Variants in MBP observed in about 807,000 individuals in gnomAD.
MBP encodes Golli-MBP.
Under a neutral mutation model 35.8 loss-of-function variants are expected in MBP, and 16 were observed. The ratio of observed to expected loss-of-function variants is 0.45; its 90% confidence interval spans 0.30 to 0.68. The LOEUF (loss-of-function observed/expected upper bound fraction) is 0.68. Among genes scored for constraint, MBP ranks in the 30% least tolerant of loss-of-function variants. MBP has a pLI of 0.08. For synonymous variants in MBP, 143 were observed against 159.6 expected, an observed-to-expected ratio of 0.90 and a Z score of 0.78; for missense variants, 380 against 404.7, an observed-to-expected ratio of 0.94 and a Z score of 0.52.
intron 3 of MBP, among the ~76,000 whole-genome samples, chr18:77,031,893 T>A (rs1972556047): frequency 1.3e-5 from 2 of 152,208 alleles, no homozygotes; most frequent in African/African-American, 4.8e-5. Context: ...GAGCCAGGGC[T>A]TTTGTCGAGC....
intron 3 of MBP, among the ~76,000 whole-genome samples, chr18:77,058,130 T>C (rs897565517): frequency 2.6e-5 from 4 of 152,080 alleles, no homozygotes; most frequent in Admixed American, 2.6e-4. Context: ...GGAGTGTTTT[T>C]TAAGTTCGGC....
chr18:77,066,381 C>T lies in MBP; in HGVS notation c.56G>A (p.Ser19Asn). The change falls in exon 3 of 9, where the codon AGT (serine) becomes AAT (asparagine). Residue 19 changes from serine to asparagine, a missense_variant. Transcript: ENST00000355994. Reference sequence around the variant, plus strand: ...TTCAGATTCTCCTCTGTTAGTTTCACTATTCTGGAAAAAGAAAACACAACA... The same window carrying T: ...TTCAGATTCTCCTCTGTTAGTTTCATTATTCTGGAAAAAGAAAACACAACA... ...ELNAEKASTN[S>N]ETNRGESEKK... The T allele has an allele frequency of 6.2e-7, 1 of 1,605,438 alleles. No individual in the cohort carries two copies.
intron 2 of MBP, among the ~76,000 whole-genome samples, chr18:77,091,661 C>T (rs144076865): frequency 1.3e-5 from 2 of 151,700 alleles, no homozygotes; most frequent in Non-Finnish European, 2.9e-5. Context: ...CACACATGCA[C>T]ACATGCGTGA....
chr18:77,031,336 C>A (rs1473281440), intron 3 of MBP, among the ~76,000 whole-genome samples: 6 of 152,204 alleles, frequency 3.9e-5, no homozygotes, highest in African/African-American at 1.4e-4. Context: ...CGCCCTGCTG[C>A]CCACCCTCTC....
Position 77,057,999 on chromosome 18 carries a change from T to G in MBP, c.139+8299A>C, listed in dbSNP as rs1230591177. ...CCGCCACTACGCCCGGCTAATTTTTTGTATTTTTTTTTTTAATAGAGACGG... is the reference window on the plus strand; with the variant it reads ...CCGCCACTACGCCCGGCTAATTTTTGGTATTTTTTTTTTTAATAGAGACGG... On this transcript the variant is annotated intron_variant, in intron 3 of 8. Transcript: ENST00000355994. Among the ~76,000 whole-genome samples the G allele has an allele frequency of 4.9e-5, 3 of 61,592 alleles. 1 individual carries two copies. The highest frequency in any genetic ancestry group is 3.1e-4 in the Admixed American group (2 of 6,506). 40.4% of individuals were successfully genotyped at this position (61,592 alleles called of 152,430 possible).
chr18:77,012,898 C>A (rs1971430334), intron 4 of MBP: 5 of 985,314 alleles, frequency 5.1e-6, no homozygotes, highest in Non-Finnish European at 2.4e-6. Context: ...CAGGCAATTA[C>A]CATCAAATAC....
At chr18:76,999,895 C>G (rs769330940) in intron 4 of MBP, among the ~76,000 whole-genome samples, 11 of 152,158 alleles carry the variant, frequency 7.2e-5, no homozygotes, top group Non-Finnish European at 1.5e-4. Flanking sequence ...CATCCCCAAC[C>G]TGTTTCAAGT....
chr18:77,067,085 C>T (rs1974229869), intron 2 of MBP, among the ~76,000 whole-genome samples: 1 of 152,218 alleles, frequency 6.6e-6, no homozygotes, highest in African/African-American at 2.4e-5. Context: ...GTTCAGCTTC[C>T]TGATATATTT....
At chr18:77,018,280 C>G in intron 3 of MBP, among the ~76,000 whole-genome samples, 1 of 149,158 alleles carries the variant, frequency 6.7e-6, no homozygotes, top group Non-Finnish European at 1.5e-5. Flanking sequence ...ATCCACTCAT[C>G]CATCCATCCA....
chr18:77,069,641 C>A (rs572273390), intron 2 of MBP, among the ~76,000 whole-genome samples: 3 of 152,306 alleles, frequency 2.0e-5, no homozygotes, highest in African/African-American at 7.2e-5. Flanking sequence ...TAAATCACAG[C>A]ACTTTGCTTT....
chr18:77,013,166 A>T, intron 4 of MBP: 1 of 985,462 alleles, frequency 1.0e-6, no homozygotes, highest in Non-Finnish European at 1.2e-6. Context: ...GTGCAGAAAC[A>T]AATGCACCCT....
At chr18:76,990,089 G>T (rs1969809566) in intron 4 of MBP, 29 bp from the exon 5 acceptor site, 2 of 1,501,234 alleles carry the variant, frequency 1.3e-6, no homozygotes, top group Admixed American at 1.7e-5. Flanking sequence ...GTGACCTCAG[G>T]ACAAGTCCAC....
At chr18:77,027,615 C>G (rs1007125017) in intron 3 of MBP, among the ~76,000 whole-genome samples, 1 of 152,258 alleles carries the variant, frequency 6.6e-6, no homozygotes, top group Non-Finnish European at 1.5e-5. Flanking sequence ...AAAACTTCCC[C>G]ACAGAGGGGC....
Position 76,979,867 on chromosome 18 carries a change from A to T in MBP, c.*560T>A, listed in dbSNP as rs1184534587. 2.9e-6 allele frequency: 2 copies of T among 679,854 alleles called. No homozygotes were observed. Among genetic ancestry groups the T allele is most frequent in the Non-Finnish European group, 5.3e-6 (2 of 375,110 alleles). 42.1% of individuals were successfully genotyped at this position (679,854 alleles called of 1,614,324 possible). On this transcript the variant is annotated 3_prime_UTR_variant, in exon 9 of 9. Transcript: ENST00000355994. ...AACAGCTGCCCAGCCCGCATGTCAC[A>T]TACCAAAAGCTCCCACATGTAGTAA...
chr18:77,097,828 T>G (rs534248678), intron 2 of MBP, among the ~76,000 whole-genome samples: 1 of 152,180 alleles, frequency 6.6e-6, no homozygotes, highest in Non-Finnish European at 1.5e-5. Context: ...GTGGAGCCGG[T>G]ATTAGGGGGA....
chr18:77,075,706 A>G (rs1974623175), intron 2 of MBP, among the ~76,000 whole-genome samples: 1 of 152,222 alleles, frequency 6.6e-6, no homozygotes, highest in South Asian at 2.1e-4. Flanking sequence ...GCTCTGTTTA[A>G]CGTCCTCAGA....
Position 76,988,172 on chromosome 18 carries a change from C to T in MBP, c.750+323G>A, listed in dbSNP as rs760247715. On this transcript the variant is annotated intron_variant, in intron 7 of 8. Coordinates refer to ENST00000355994, the MANE Select transcript of MBP (RefSeq NM_001025101.2). This position sits in a 1 kb window ranked among gnomAD's most constrained non-coding sequence, Gnocchi z 5.2. ...ACTGGTTGTGTTGGAGGAAGTTAAA[C>T]ATTTTCTCGGACGTGGTGTTGCTCC... is the stretch of plus-strand genomic sequence containing the variant. The T allele has an allele frequency of 2.6e-6, 4 of 1,541,022 alleles. No homozygotes were observed. The highest frequency in any genetic ancestry group is 2.4e-5 in the South Asian group (2 of 83,228).
chr18:77,012,114 C>T (rs187507189), intron 4 of MBP, among the ~76,000 whole-genome samples: 15 of 152,306 alleles, frequency 9.8e-5, no homozygotes, highest in African/African-American at 3.4e-4. Flanking sequence ...AAGGCAGGAC[C>T]GCATCCAAGC....
rs1197570903 is a variant in MBP, at chr18:77,040,672, A to C, written c.140-23404T>G. Among the ~76,000 whole-genome samples, 3 of 152,214 alleles carry C rather than the reference A, an allele frequency of 2.0e-5. No homozygotes were observed. The South Asian group carries it at 6.2e-4, about 32-fold the overall frequency. On this transcript the variant is annotated intron_variant, in intron 3 of 8. Coordinates refer to ENST00000355994, the MANE Select transcript of MBP (RefSeq NM_001025101.2). The stretch of plus-strand genomic sequence containing the variant: ...CTTTCACAAACCTGACAAAAACAAG[A>C]AATGGGGAAAGGATTCCCTATTTAA...
Sources: gnomAD v4.1 joint callset for allele counts (sites outside exome capture counted in the v4.1 genomes callset) on GRCh38, gnomAD v4.1.1 for gene constraint, Gnocchi (gnomAD v3.1) non-coding constraint, MANE v1.5 for transcripts, NCBI Gene and HGNC (gene_info 2026-07-23, HGNC 2026-07-21) for gene names.